The following NIF3L1 variants were observed in gnomAD, a reference collection of about 807,000 sequenced individuals.
NIF3L1 encodes the protein NIF3-like protein 1.
Under a neutral mutation model 35.0 loss-of-function variants are expected in NIF3L1, and 26 were observed. That is an observed-to-expected ratio of 0.74 (90% CI 0.54 to 1.03). The LOEUF is 1.03. NIF3L1 is among the 50% of genes least tolerant of loss of function. The probability of loss-of-function intolerance (pLI) is 0.00; values close to 1 mark genes in which losing one functional copy is unlikely to be tolerated. For synonymous variants in NIF3L1, 157 were observed against 178.9 expected (o/e 0.88, Z 0.98); for missense variants, 449 against 466.3 (o/e 0.96, Z 0.34).
rs762244675 is a variant in NIF3L1, at chr2:200,899,385, A to G, written c.866A>G (p.Glu289Gly). Residue 289 changes from glutamate (E) to glycine (G), a missense_variant and splice_region_variant, in exon 6 of 7, where the codon GAG becomes GGG. Transcript: ENST00000409020. ...GTCTCTTGTTTCCTCTGTTTTGAAG[A>G]GTCTCAAGTCAAAGTCGTGGCCCTG... ...RLALGVGRTL[E>G]SQVKVVALCA... 3 of 1,612,778 alleles carry G rather than the reference A, an allele frequency of 1.9e-6. No individual in the cohort carries two copies. The East Asian group carries it at 6.7e-5, about 36-fold the overall frequency.
In NIF3L1 at chr2:200,889,505, A is replaced by C. The variant is rs1170812952; in HGVS notation, c.-174A>C. ...GTGCTGCAGAGGACAGCAGAAGAGG[A>C]GATTGGGTCAGAAAACTGCCCTGCC... On this transcript the variant is annotated 5_prime_UTR_variant, in exon 1 of 7. Transcript: ENST00000409020. 5.7e-6 allele frequency: 1 copy of C among 174,466 alleles called. No individual in the cohort carries two copies. The highest frequency in any genetic ancestry group is 1.2e-5 in the Non-Finnish European group (1 of 80,130). The allele number at this position is 174,466 out of a possible 1,614,324, so 10.8% of individuals were successfully genotyped here.
In NIF3L1 at chr2:200,891,747, A is replaced by G. The variant is rs1418573784; in HGVS notation, c.-26-171A>G. The G allele has an allele frequency of 6.8e-6, 4 of 591,212 alleles. No homozygotes were observed. In the East Asian group the frequency reaches 1.1e-4, roughly 16 times the overall value. 36.6% of individuals were successfully genotyped at this position (591,212 alleles called of 1,614,324 possible). A position where few individuals can be genotyped will look rare whatever the true frequency, so the allele number is the denominator to read the frequency against. The stretch of plus-strand genomic sequence containing the variant: ...TCTCTGTTTCGTAGGTGAGAAAACA[A>G]GATTGGAGAGGTTAAATGGCTTACC... On this transcript the variant is annotated intron_variant, in intron 1 of 6. Transcript: ENST00000409020.
chr2:200,903,399 T>TA, intron 6 of NIF3L1, 95 bp from the exon 7 acceptor site: 1 of 952,888 alleles, frequency 1.0e-6, no homozygotes, highest in Non-Finnish European at 1.7e-6. Flanking sequence ...ATTCACTTCA[T>TA]ATAGACTACA....
chr2:200,894,722 T>C (rs922856384), intron 3 of NIF3L1, among the ~76,000 whole-genome samples: 2 of 150,882 alleles, frequency 1.3e-5, no homozygotes, highest in Non-Finnish European at 3.0e-5. Flanking sequence ...TTTTTTTTTT[T>C]TTTTTAACTT....
rs1022113703 is a variant in NIF3L1, at chr2:200,889,434, C to A, written c.-245C>A. 1 of 220,222 alleles carries A rather than the reference C, an allele frequency of 4.5e-6. No individual in the cohort carries two copies. The highest frequency in any genetic ancestry group is 2.3e-5 in the African/African-American group (1 of 43,472). 13.6% of individuals were successfully genotyped at this position (220,222 alleles called of 1,614,324 possible). ...TAAAAACCCGCGAGTGTAGTTGTGA[C>A]CTTCGCGGTAGGTGCCGGTTGGGGC... On this transcript the variant is annotated 5_prime_UTR_variant, in exon 1 of 7. Coordinates refer to ENST00000409020, the MANE Select transcript of NIF3L1 (RefSeq NM_001369441.2).
rs2040449329 is a variant in NIF3L1, at chr2:200,903,699, C to T, written c.*21C>T. ...TATAATTGCAGAAACATCAGGATAA[C>T]ACATTCTACAAATCAGCTGGATGCC... On this transcript the variant is annotated 3_prime_UTR_variant, in exon 7 of 7. Transcript: ENST00000409020. The T allele has an allele frequency of 6.3e-7, 1 of 1,598,110 alleles. No individual in the cohort carries two copies. Among genetic ancestry groups the T allele is most frequent in the African/African-American group, 1.3e-5 (1 of 74,674 alleles).
intron 6 of NIF3L1, 148 bp from the exon 7 acceptor site, chr2:200,903,346 A>G: frequency 1.5e-6 from 1 of 678,800 alleles, no homozygotes. Flanking sequence ...AAAACTGTAC[A>G]CTACTTTCTA....
chr2:200,892,621 T>G (rs751748516), intron 2 of NIF3L1, among the ~76,000 whole-genome samples: 3 of 152,242 alleles, frequency 2.0e-5, no homozygotes, highest in Non-Finnish European at 4.4e-5. Context: ...GCTTCATGAT[T>G]CCTCACTTTT....
At chr2:200,891,787 C>G (rs2040196435) in intron 1 of NIF3L1, 131 bp from the exon 2 acceptor site, 1 of 620,814 alleles carries the variant, frequency 1.6e-6, no homozygotes. Flanking sequence ...TTACAGTGTG[C>G]TGGTAAGTGG....
At position 200,893,372 on chromosome 2, in the gene NIF3L1, G is replaced by T. The variant is rs770361317; in HGVS notation, c.563G>T (p.Gly188Val). 9.9e-6 allele frequency: 16 copies of T among 1,613,720 alleles called. No homozygotes were observed. The highest frequency in any genetic ancestry group is 1.3e-5 in the Non-Finnish European group (15 of 1,179,900). ...DLDKVMSAVK[G>V]IDGVSVTSFS... ...GACAAAGTCATGTCTGCAGTGAAAG[G>T]AATTGACGGTGTTTCTGTCACTTCT... Residue 188 changes from glycine (G) to valine (V), a missense_variant, in exon 3 of 7, where the codon GGA becomes GTA. Coordinates refer to ENST00000409020, the MANE Select transcript of NIF3L1 (RefSeq NM_001369441.2).
At chr2:200,893,594 CG>C in intron 3 of NIF3L1, among the ~76,000 whole-genome samples, 186 bp downstream of exon 3, 1 of 152,162 alleles carries the variant, frequency 6.6e-6, no homozygotes, top group South Asian at 2.1e-4. Flanking sequence ...ACAATAAAAA[CG>C]GTAAGTAACA....
In NIF3L1 at chr2:200,899,312, C is replaced by T; in HGVS notation, c.866-73C>T. ...TGAAATCTGTATTATGTTTAGGATT[C>T]TTGGTACAAATTATAATAGTAAAAT... On this transcript the variant is annotated intron_variant, in intron 5 of 6. Transcript: ENST00000409020. 7 of 1,162,208 alleles carry T rather than the reference C, an allele frequency of 6.0e-6. No individual in the cohort carries two copies. In the South Asian group the frequency reaches 9.0e-5, roughly 15 times the overall value. The allele number at this position is 1,162,208 out of a possible 1,614,324, so 72.0% of individuals were successfully genotyped here. A position where few individuals can be genotyped will look rare whatever the true frequency, so the allele number is the denominator to read the frequency against.
intron 5 of NIF3L1, among the ~76,000 whole-genome samples, chr2:200,898,111 A>T (rs1158587678): frequency 6.6e-6 from 1 of 152,178 alleles, no homozygotes; most frequent in Non-Finnish European, 1.5e-5. Flanking sequence ...AGCTGTTGTT[A>T]GTTTTGTGGT....
intron 2 of NIF3L1, 45 bp from the exon 3 acceptor site, chr2:200,893,201 C>G: frequency 7.1e-7 from 1 of 1,417,682 alleles, no homozygotes; most frequent in Non-Finnish European, 9.4e-7. Context: ...AAATCTTAAT[C>G]TCTCACCCCC....
At position 200,899,480 on chromosome 2, in the gene NIF3L1, T is replaced by C. The variant is rs757082883; in HGVS notation, c.949+12T>C. ...CCTTTACCTCACAGGTAGGACAGAC[T>C]TTGGATCTCTCTTGGTTTATTTTTT... On this transcript the variant is annotated intron_variant, in intron 6 of 6. Coordinates refer to ENST00000409020, the MANE Select transcript of NIF3L1 (RefSeq NM_001369441.2). 1 of 1,610,566 alleles carries C rather than the reference T, an allele frequency of 6.2e-7. No homozygotes were observed. The highest frequency in any genetic ancestry group is 8.5e-7 in the Non-Finnish European group (1 of 1,177,026).
chr2:200,896,964 A>G (rs1458594570), intron 4 of NIF3L1, 112 bp from the exon 5 acceptor site: 6 of 1,041,810 alleles, frequency 5.8e-6, no homozygotes, highest in Non-Finnish European at 8.4e-6. Context: ...GTATCCCCAC[A>G]TTTAGCCTGG....
intron 6 of NIF3L1, among the ~76,000 whole-genome samples, chr2:200,901,356 A>G (rs2040407592): frequency 6.6e-6 from 1 of 152,084 alleles, no homozygotes; most frequent in Non-Finnish European, 1.5e-5. Flanking sequence ...TTCTCTCTCA[A>G]TTTGGGGTAT....
intron 6 of NIF3L1, 70 bp from the exon 7 acceptor site, chr2:200,903,424 G>A: frequency 7.9e-7 from 1 of 1,264,642 alleles, no homozygotes; most frequent in African/African-American, 1.5e-5. Context: ...TGGTATTTCT[G>A]CTTTTGTGTT....
Position 200,903,818 on chromosome 2 carries a change from C to T in NIF3L1, c.*140C>T, listed in dbSNP as rs527419355. The T allele has an allele frequency of 3.3e-4, 233 of 709,178 alleles. 1 individual carries two copies. The highest frequency in any genetic ancestry group is 4.7e-4 in the Middle Eastern group (2 of 4,254). 43.9% of individuals were successfully genotyped at this position (709,178 alleles called of 1,614,324 possible). A position where few individuals can be genotyped will look rare whatever the true frequency, so the allele number is the denominator to read the frequency against. On this transcript the variant is annotated 3_prime_UTR_variant, in exon 7 of 7. Transcript: ENST00000409020. ...ATTTCCGGTTTGTTAATCTTATTCA[C>T]CAAATGTTCTATCGCTCGTAAGGTA... is the stretch of plus-strand genomic sequence containing the variant.
Sources: allele counts gnomAD v4.1 joint callset (sites outside exome capture counted in the v4.1 genomes callset), GRCh38; gene constraint gnomAD v4.1.1; transcripts MANE v1.5; gene names NCBI Gene and HGNC (gene_info 2026-07-23, HGNC 2026-07-21).